Variants in ARK2C observed in about 807,000 individuals in gnomAD.
ARK2C encodes E3 ubiquitin-protein ligase ARK2C.
the ARK2C span, among the ~76,000 whole-genome samples, chr18:46,375,180 G>A: frequency 2.0e-4 from 31 of 152,238 alleles, no homozygotes; most frequent in East Asian, 4.0e-3. Flanking sequence ...CTTCCAGGCC[G>A]CCCTGGCCGC....
chr18:46,368,303 A>G, the ARK2C span, among the ~76,000 whole-genome samples: 4 of 152,148 alleles, frequency 2.6e-5, no homozygotes, highest in South Asian at 8.3e-4. Flanking sequence ...AAAGAATAAA[A>G]TATGTTGGTT....
the ARK2C span, chr18:46,433,474 G>T: frequency 5.6e-6 from 9 of 1,611,748 alleles, no homozygotes; most frequent in South Asian, 9.9e-5. Flanking sequence ...GCTCCTGGAA[G>T]CCCAGCACCG....
chr18:46,337,472 C>T, the ARK2C span: 2 of 985,434 alleles, frequency 2.0e-6, no homozygotes, highest in Non-Finnish European at 2.4e-6. Context: ...CTGAAACGTA[C>T]TGTGGTCGTG....
At chr18:46,455,710 C>G in the ARK2C span, among the ~76,000 whole-genome samples, 2 of 152,118 alleles carry the variant, frequency 1.3e-5, no homozygotes, top group Admixed American at 1.3e-4. Context: ...ATGGCAAGTG[C>G]CTGTAATCCC....
the ARK2C span, among the ~76,000 whole-genome samples, chr18:46,403,396 G>T: frequency 6.6e-6 from 1 of 151,808 alleles, no homozygotes; most frequent in Admixed American, 6.6e-5. Context: ...CCTGCCCCCC[G>T]TCTCCCTCTA....
the ARK2C span, among the ~76,000 whole-genome samples, chr18:46,392,835 C>A: frequency 0.015 from 2,322 of 152,286 alleles, 56 homozygotes; most frequent in African/African-American, 0.053. Context: ...GAGGACAACA[C>A]GCCTGGGTGG....
At chr18:46,377,752 AT>A in the ARK2C span, among the ~76,000 whole-genome samples, 1 of 152,176 alleles carries the variant, frequency 6.6e-6, no homozygotes, top group Non-Finnish European at 1.5e-5. Flanking sequence ...GTGATGGGGC[AT>A]TGTGAGATGA....
At chr18:46,343,741 T>C in the ARK2C span, among the ~76,000 whole-genome samples, 3 of 152,218 alleles carry the variant, frequency 2.0e-5, no homozygotes, top group Non-Finnish European at 4.4e-5. Context: ...TGCTTTTTCA[T>C]TGGGAAGATA....
chr18:46,452,244 A>G, the ARK2C span, among the ~76,000 whole-genome samples: 1 of 152,198 alleles, frequency 6.6e-6, no homozygotes, highest in African/African-American at 2.4e-5. Context: ...TGTTGGGAGT[A>G]TAGGGTATAT....
chr18:46,392,605 G>T, the ARK2C span, among the ~76,000 whole-genome samples: 1 of 152,186 alleles, frequency 6.6e-6, no homozygotes, highest in Non-Finnish European at 1.5e-5. Context: ...TGTCCGGGGT[G>T]ATGGGTCAGT....
the ARK2C span, among the ~76,000 whole-genome samples, chr18:46,447,121 G>T: frequency 6.6e-6 from 1 of 152,130 alleles, no homozygotes; most frequent in African/African-American, 2.4e-5. Flanking sequence ...AAGCTGTCTG[G>T]CCTGTAGGTC....
chr18:46,443,137 A>G, the ARK2C span, among the ~76,000 whole-genome samples: 2 of 152,202 alleles, frequency 1.3e-5, no homozygotes, highest in Non-Finnish European at 2.9e-5. Flanking sequence ...GCAATTGTCT[A>G]CATGGTTGGA....
chr18:46,456,662 C>T, the ARK2C span: 1 of 1,509,282 alleles, frequency 6.6e-7, no homozygotes, highest in South Asian at 1.1e-5. Context: ...GTGGACACCC[C>T]ATTTCCTTCA....
At chr18:46,352,467 G>T in the ARK2C span, among the ~76,000 whole-genome samples, 1 of 152,176 alleles carries the variant, frequency 6.6e-6, no homozygotes, top group Non-Finnish European at 1.5e-5. Context: ...ATGTAAGTTT[G>T]GCTGTGGTAA....
the ARK2C span, among the ~76,000 whole-genome samples, chr18:46,451,031 G>A: frequency 4.6e-5 from 7 of 151,860 alleles, no homozygotes; most frequent in African/African-American, 1.5e-4. Flanking sequence ...GGAGAGCTGG[G>A]TATCCGTGTG....
chr18:46,414,667 C>T, the ARK2C span, among the ~76,000 whole-genome samples: 1 of 152,194 alleles, frequency 6.6e-6, no homozygotes, highest in Non-Finnish European at 1.5e-5. Context: ...TACACACATA[C>T]ACAGATGCAC....
the ARK2C span, among the ~76,000 whole-genome samples, chr18:46,338,246 T>C: frequency 3.9e-5 from 6 of 152,228 alleles, no homozygotes; most frequent in Non-Finnish European, 8.8e-5. Context: ...CCCTCTTCTA[T>C]GTGCATATTT....
the ARK2C span, among the ~76,000 whole-genome samples, chr18:46,372,574 G>A: frequency 2.0e-5 from 3 of 152,214 alleles, no homozygotes; most frequent in African/African-American, 7.2e-5. Context: ...GACACCATGT[G>A]AGGACACGTG....
chr18:46,447,848 A>G, the ARK2C span, among the ~76,000 whole-genome samples: 2 of 140,526 alleles, frequency 1.4e-5, no homozygotes, highest in African/African-American at 2.7e-5. Flanking sequence ...TCACCTGTGT[A>G]TCAATCCCCC....
Sources: gnomAD v4.1 joint callset for allele counts (sites outside exome capture counted in the v4.1 genomes callset) on GRCh38, gnomAD v4.1.1 for gene constraint, MANE v1.5 for transcripts, NCBI Gene and HGNC (gene_info 2026-07-23, HGNC 2026-07-21) for gene names.